LATS2: variants seen among roughly 807,000 people sequenced by gnomAD.
LATS2 encodes large tumor suppressor kinase 2.
LATS2 carries 24 observed loss-of-function variants against 76.0 expected under a neutral mutation model. That is an observed-to-expected ratio of 0.32 (90% CI 0.23 to 0.44). The LOEUF (loss-of-function observed/expected upper bound fraction) is 0.44, where lower values mean the gene tolerates loss of function less well. Ranked by LOEUF, LATS2 falls within the 20% of genes least tolerant of loss-of-function variation. The pLI, the probability that LATS2 is intolerant of heterozygous loss-of-function variation, is 1.00. For synonymous variants in LATS2, 692 were observed against 635.4 expected (o/e 1.09, Z -1.34); for missense variants, 1,286 against 1,481.2 (o/e 0.87, Z 2.16).
chr13:21,055,038 A>G (rs1873407696), intron 1 of LATS2, among the ~76,000 whole-genome samples: 1 of 152,254 alleles, frequency 6.6e-6, no homozygotes, highest in South Asian at 2.1e-4. Flanking sequence ...TACTTTAGAA[A>G]GGATGAAACG....
chr13:21,007,016 A>G (rs1871289426), intron 2 of LATS2, among the ~76,000 whole-genome samples: 1 of 152,202 alleles, frequency 6.6e-6, no homozygotes, highest in Non-Finnish European at 1.5e-5. Flanking sequence ...GTAATCTGCT[A>G]CTTTCACAAA....
At chr13:21,036,872 G>T (rs1318459595) in intron 2 of LATS2, among the ~76,000 whole-genome samples, 1 of 152,176 alleles carries the variant, frequency 6.6e-6, no homozygotes, top group Non-Finnish European at 1.5e-5. Context: ...AATATTCATC[G>T]TTAGCAGGGT....
chr13:21,036,793 A>G (rs979177101), intron 2 of LATS2, among the ~76,000 whole-genome samples: 7 of 151,640 alleles, frequency 4.6e-5, no homozygotes, highest in Admixed American at 1.3e-4. Flanking sequence ...CAACAACAAC[A>G]AAAAACAACA....
intron 7 of LATS2, among the ~76,000 whole-genome samples, chr13:20,975,912 G>A (rs1372490314): frequency 2.0e-5 from 3 of 152,180 alleles, no homozygotes; most frequent in Non-Finnish European, 4.4e-5. Flanking sequence ...CTGAACTCCT[G>A]ACCTCAGGTG....
chr13:20,973,927 C>A lies in LATS2; in HGVS notation c.*943G>T. The A allele has an allele frequency of 4.6e-6, 1 of 219,526 alleles. No homozygotes were observed. The highest frequency in any genetic ancestry group is 9.1e-6 in the Non-Finnish European group (1 of 110,344). 13.6% of individuals were successfully genotyped at this position (219,526 alleles called of 1,614,324 possible). On this transcript the variant is annotated 3_prime_UTR_variant, in exon 8 of 8. Transcript: ENST00000382592. ...AACTTTTTGGCATCGCTGTATTAAT[C>A]CCTTTTGATGTATATAAGTTCAGTA...
Position 20,975,067 on chromosome 13 carries a change from T to C in LATS2, c.3070A>G (p.Thr1024Ala). The change falls in exon 8 of 8, where the codon ACA (threonine) becomes GCA (alanine). Residue 1024 changes from threonine to alanine, a missense_variant. Physicochemically the swap from Thr to Ala is moderately conservative, Grantham distance 58 (BLOSUM62 0). This residue lies in a region of LATS2 where 210 missense variants were observed against 234.9 expected (regional missense o/e 0.89). Transcript: ENST00000382592. ...TGCTTGTTATTGGGCGAGGTGAGTG[T>C]GTCCCAGGCCTTGGTGCTACCTTCG... ...ASEGSTKAWD[T>A]LTSPNNKHPE... 2.5e-6 allele frequency: 4 copies of C among 1,614,254 alleles called. No homozygotes were observed. Among genetic ancestry groups the C allele is most frequent in the Non-Finnish European group, 2.5e-6 (3 of 1,180,032 alleles).
rs1016000729 is a variant in LATS2 at position 20,991,966 on chromosome 13, CA to C, written c.343-563del. ...TGACTCGTAGAAGAAAGAAAGGAGA[CA>C]AAACAGGGGCCCATGGAGCCACACC... On this transcript the variant is annotated intron_variant, in intron 2 of 7. Coordinates refer to ENST00000382592, the MANE Select transcript of LATS2 (RefSeq NM_014572.3). This position sits in a 1 kb window ranked among gnomAD's most constrained non-coding sequence, Gnocchi z 4.9. Among the ~76,000 whole-genome samples the C allele has an allele frequency of 2.1e-4, 32 of 152,220 alleles. No individual in the cohort carries two copies. Among genetic ancestry groups the C allele is most frequent in the African/African-American group, 7.2e-4 (30 of 41,534 alleles).
chr13:21,005,888 T>A (rs529108867), intron 2 of LATS2, among the ~76,000 whole-genome samples: 1 of 150,628 alleles, frequency 6.6e-6, no homozygotes, highest in African/African-American at 2.4e-5. Context: ...CCGAGGTTGG[T>A]GGATCACCTG....
rs992102542 is a variant in LATS2 at position 20,975,311 on chromosome 13, A to G, written c.2826T>C (p.Pro942=). ...GCTTGGTGATGAGGTCCCTGGCCTC[A>G]GGGCTCAGCTTCACCTGGGCTGGAA... The part of the protein sequence containing the change: ...LHIPAQVKLS[P]EARDLITKLC... Residue 942 remains proline (P), a synonymous_variant, in exon 8 of 8, where the codon CCT becomes CCC. Transcript: ENST00000382592. 3 of 1,605,266 alleles carry G rather than the reference A, an allele frequency of 1.9e-6. No individual in the cohort carries two copies. Among genetic ancestry groups the G allele is most frequent in the Non-Finnish European group, 2.6e-6 (3 of 1,175,248 alleles).
chr13:21,030,114 C>T (rs1872463365), intron 2 of LATS2, among the ~76,000 whole-genome samples: 1 of 150,802 alleles, frequency 6.6e-6, no homozygotes. Flanking sequence ...AAGAGCTAGA[C>T]TCTACTTCAA....
intron 1 of LATS2, among the ~76,000 whole-genome samples, chr13:21,060,481 C>A (rs971071530): frequency 6.6e-6 from 1 of 152,208 alleles, no homozygotes; most frequent in African/African-American, 2.4e-5. Flanking sequence ...CCGCCAAGAC[C>A]GTGAGCAAAC....
chr13:21,035,645 C>A (rs1054079924), intron 2 of LATS2, among the ~76,000 whole-genome samples: 1 of 152,176 alleles, frequency 6.6e-6, no homozygotes, highest in Non-Finnish European at 1.5e-5. Context: ...ACACAACAGG[C>A]ATTAAGTGAA....
intron 2 of LATS2, among the ~76,000 whole-genome samples, chr13:21,009,106 G>T (rs1417054961): frequency 1.3e-5 from 2 of 152,214 alleles, no homozygotes; most frequent in African/African-American, 4.8e-5. Flanking sequence ...AGAACTGAGT[G>T]CATATTCACT....
At chr13:21,010,201 A>AAACAAAC (rs1555225649) in intron 2 of LATS2, among the ~76,000 whole-genome samples, 30,919 of 150,672 alleles carry the variant, frequency 0.21, 3,322 homozygotes, top group Middle Eastern at 0.25. Context: ...CTCTGTCAAA[A>AAACAAAC]AAACAAACAA....
At chr13:20,976,594 A>G (rs1365950508) in intron 7 of LATS2, among the ~76,000 whole-genome samples, 1 of 152,206 alleles carries the variant, frequency 6.6e-6, no homozygotes, top group East Asian at 1.9e-4. Flanking sequence ...ACTCAACAAC[A>G]ATAACAAAAC....
chr13:20,988,920 GCGTAAC>G lies in LATS2; in HGVS notation c.854_859del (p.Gly285_Tyr286del). 1 of 1,524,316 alleles carries G rather than the reference GCGTAAC, an allele frequency of 6.6e-7. No individual in the cohort carries two copies. The highest frequency in any genetic ancestry group is 1.2e-5 in the South Asian group (1 of 81,908). 94.4% of individuals were successfully genotyped at this position (1,524,316 alleles called of 1,614,324 possible). On this transcript the variant is annotated inframe_deletion, in exon 4 of 8. Transcript: ENST00000382592. ...TCCCTGGCCCTTCGTGGGCAGGCTG[GCGTAAC>G]CCCCGGTCTCCGGCGGCGTCTTGCT... is the stretch of plus-strand genomic sequence containing the variant.
intron 2 of LATS2, among the ~76,000 whole-genome samples, chr13:21,000,669 T>A (rs1256940659): frequency 6.6e-6 from 1 of 152,122 alleles, no homozygotes; most frequent in East Asian, 1.9e-4. Flanking sequence ...TACTAAACTA[T>A]AATTATAATT....
intron 2 of LATS2, among the ~76,000 whole-genome samples, chr13:21,007,588 G>GTGTATA (rs1555225460): frequency 5.2e-4 from 2 of 3,826 alleles, no homozygotes; most frequent in African/African-American, 1.7e-3. Context: ...TATATATATA[G>GTGTATA]TATATATATA....
chr13:20,988,394 G>T lies in LATS2; in HGVS notation c.1386C>A (p.His462Gln), dbSNP rs1209076655. The T allele has an allele frequency of 5.0e-6, 7 of 1,386,320 alleles. No individual in the cohort carries two copies. In the East Asian group the frequency reaches 1.5e-4, roughly 30 times the overall value. 85.9% of individuals were successfully genotyped at this position (1,386,320 alleles called of 1,614,324 possible). A position where few individuals can be genotyped will look rare whatever the true frequency, so the allele number is the denominator to read the frequency against. Residue 462 changes from histidine (H) to glutamine (Q), a missense_variant, in exon 4 of 8, where the codon CAC (histidine) becomes CAA (glutamine). This residue lies in a region of LATS2 where 710 missense variants were observed against 660.9 expected (regional missense o/e 1.07). Transcript: ENST00000382592. ...PEPQTAVGPS[H>Q]PAWVPAPAPA... ...GGGCAGGCGCGGGCACCCAGGCGGG[G>T]TGCGAGGGCCCCACAGCCGTCTGCG... is the stretch of plus-strand genomic sequence containing the variant.
Sources: gnomAD v4.1 joint callset for allele counts (sites outside exome capture counted in the v4.1 genomes callset) on GRCh38, gnomAD v4.1.1 for gene constraint, gnomAD v4.1.1 regional missense constraint, Gnocchi (gnomAD v3.1) non-coding constraint, MANE v1.5 for transcripts, NCBI Gene and HGNC (gene_info 2026-07-23, HGNC 2026-07-21) for gene names.